DTD1: variants seen among roughly 807,000 people sequenced by gnomAD.
The protein encoded by DTD1 is D-aminoacyl-tRNA deacylase 1, also known as D-tyrosyl-tRNA deacylase 1 homolog.
DTD1 carries 13 observed loss-of-function variants against 25.6 expected under a neutral mutation model. The ratio of observed to expected loss-of-function variants is 0.51; its 90% CI spans 0.33 to 0.81. The LOEUF (loss-of-function observed/expected upper bound fraction) is 0.81. Ranked by LOEUF, DTD1 falls within the 30% of genes least tolerant of loss-of-function variation. The probability of loss-of-function intolerance (pLI) is 0.02; values close to 1 mark genes in which losing one functional copy is unlikely to be tolerated. For missense variants in DTD1, 193 were observed against 266.4 expected (o/e 0.72, Z 1.92); for synonymous variants, 110 against 103.6 (o/e 1.06, Z -0.37).
At chr20:18,727,400 G>T (rs1458750683) in intron 4 of DTD1, among the ~76,000 whole-genome samples, 2 of 152,126 alleles carry the variant, frequency 1.3e-5, no homozygotes, top group African/African-American at 4.8e-5. Context: ...AGTGCAAGGC[G>T]AGAGGAAGTG....
intron 4 of DTD1, among the ~76,000 whole-genome samples, chr20:18,628,965 C>T (rs1299063987): frequency 6.8e-6 from 1 of 148,140 alleles, no homozygotes; most frequent in African/African-American, 2.5e-5. Context: ...AAACGTGAAG[C>T]TGGGCAACCT....
At chr20:18,661,435 G>A (rs1316881234) in intron 4 of DTD1, among the ~76,000 whole-genome samples, 1 of 145,286 alleles carries the variant, frequency 6.9e-6, no homozygotes, top group African/African-American at 2.6e-5. Flanking sequence ...GCAGTGGTGC[G>A]ATCTCAGCTC....
intron 4 of DTD1, among the ~76,000 whole-genome samples, chr20:18,663,002 G>A (rs1336480621): frequency 6.6e-6 from 1 of 152,166 alleles, no homozygotes; most frequent in East Asian, 1.9e-4. Context: ...TGTGACTGGG[G>A]CAGGAACCAT....
intron 3 of DTD1, among the ~76,000 whole-genome samples, chr20:18,614,427 G>A (rs1466703306): frequency 1.3e-5 from 2 of 152,322 alleles, no homozygotes; most frequent in Non-Finnish European, 1.5e-5. Flanking sequence ...TTAGCTGTCT[G>A]CTTCGGCTGG....
chr20:18,626,453 A>AT (rs1466674384), intron 3 of DTD1, among the ~76,000 whole-genome samples: 4 of 152,230 alleles, frequency 2.6e-5, no homozygotes, highest in Admixed American at 6.5e-5. Context: ...AACATGCAGC[A>AT]TAAGCGTGTC....
At chr20:18,689,975 G>A (rs376962565) in intron 4 of DTD1, among the ~76,000 whole-genome samples, 10 of 18,008 alleles carry the variant, frequency 5.6e-4, no homozygotes, top group Non-Finnish European at 1.9e-3. Flanking sequence ...TTGTCTCTAC[G>A]AAAAACAAAA....
chr20:18,755,840 C>T (rs969623296), intron 5 of DTD1, among the ~76,000 whole-genome samples: 18 of 152,114 alleles, frequency 1.2e-4, no homozygotes, highest in Admixed American at 4.6e-4. Flanking sequence ...CCTGAGGAAT[C>T]GCCACACTGA....
chr20:18,706,708 C>G (rs2061127848), intron 4 of DTD1, among the ~76,000 whole-genome samples: 1 of 152,162 alleles, frequency 6.6e-6, no homozygotes, highest in Non-Finnish European at 1.5e-5. Flanking sequence ...TACTTGTGTT[C>G]TCTGAGGCAG....
chr20:18,737,740 C>T (rs2061261840), intron 4 of DTD1, among the ~76,000 whole-genome samples: 1 of 152,216 alleles, frequency 6.6e-6, no homozygotes, highest in African/African-American at 2.4e-5. Context: ...TAAACTGTTG[C>T]CGGTAATTGT....
chr20:18,618,295 T>C (rs2060717481), intron 3 of DTD1, among the ~76,000 whole-genome samples: 1 of 152,202 alleles, frequency 6.6e-6, no homozygotes, highest in South Asian at 2.1e-4. Flanking sequence ...GATGTTTGAC[T>C]GACTTATTTC....
At chr20:18,626,139 A>G (rs953340774) in intron 3 of DTD1, among the ~76,000 whole-genome samples, 4 of 152,224 alleles carry the variant, frequency 2.6e-5, no homozygotes, top group Admixed American at 2.6e-4. Flanking sequence ...AATAGTGACT[A>G]TGATTTCCTG....
Position 18,650,106 on chromosome 20 carries a change from G to A in DTD1, c.477+21873G>A, listed in dbSNP as rs2060868586. 2.0e-5 allele frequency among the ~76,000 whole-genome samples: 3 copies of A among 152,134 alleles called. No individual in the cohort carries two copies. The South Asian group carries it at 6.2e-4, about 31-fold the overall frequency. On this transcript the variant is annotated intron_variant, in intron 4 of 5. Coordinates refer to ENST00000377452, the MANE Select transcript of DTD1 (RefSeq NM_080820.6). ...TAGCCCACTGTGGTGGTGCATGTCT[G>A]TAGTCCCTGCTACTCAGGAGGCTGA...
chr20:18,638,359 G>A (rs940621921), intron 4 of DTD1, among the ~76,000 whole-genome samples: 15 of 151,982 alleles, frequency 9.9e-5, no homozygotes, highest in Non-Finnish European at 1.9e-4. Flanking sequence ...CCATTCTAGT[G>A]GAGAAACAAA....
intron 4 of DTD1, chr20:18,632,441 T>C: frequency 1.0e-6 from 1 of 985,522 alleles, no homozygotes; most frequent in Non-Finnish European, 1.2e-6. Flanking sequence ...GGTGCTGGCC[T>C]GTGCCTGGGG....
At chr20:18,743,673 C>CAAAAAAAAAAA (rs11474877) in intron 4 of DTD1, among the ~76,000 whole-genome samples, 8 of 105,098 alleles carry the variant, frequency 7.6e-5, no homozygotes, top group South Asian at 3.0e-4. Context: ...GACCCTGTCT[C>CAAAAAAAAAAA]AAAAAAAAAA....
intron 4 of DTD1, among the ~76,000 whole-genome samples, chr20:18,679,868 C>T (rs2060989907): frequency 1.3e-5 from 2 of 152,174 alleles, no homozygotes; most frequent in African/African-American, 4.8e-5. Context: ...CTTATTGATA[C>T]ACAGTCAAAA....
chr20:18,638,898 C>T (rs2060818554), intron 4 of DTD1, among the ~76,000 whole-genome samples: 1 of 152,116 alleles, frequency 6.6e-6, no homozygotes, highest in African/African-American at 2.4e-5. Context: ...TTCTGCCTTC[C>T]ACAGTAGAGC....
At chr20:18,757,597 C>A (rs2061344435) in intron 5 of DTD1, among the ~76,000 whole-genome samples, 1 of 152,150 alleles carries the variant, frequency 6.6e-6, no homozygotes, top group African/African-American at 2.4e-5. Flanking sequence ...TTTGTTGAAC[C>A]AGCCTTGCGT....
intron 4 of DTD1, among the ~76,000 whole-genome samples, chr20:18,645,597 T>C (rs554761847): frequency 6.6e-6 from 1 of 152,252 alleles, no homozygotes; most frequent in African/African-American, 2.4e-5. Flanking sequence ...AATAGTGGAA[T>C]ACTATACAAA....
Sources: allele counts gnomAD v4.1 joint callset (sites outside exome capture counted in the v4.1 genomes callset), GRCh38; gene constraint gnomAD v4.1.1; transcripts MANE v1.5; gene names NCBI Gene and HGNC (gene_info 2026-07-23, HGNC 2026-07-21).